The following SERHL2 variants were observed in gnomAD, a reference collection of about 807,000 sequenced individuals.
The protein encoded by SERHL2 is serine hydrolase-like protein 2.
A neutral mutation model predicts 25.5 loss-of-function variants in SERHL2; 29 were observed. The ratio of observed to expected loss-of-function variants is 1.14; its 90% confidence interval spans 0.85 to 1.55. The LOEUF (loss-of-function observed/expected upper bound fraction) is 1.55, where lower values mean the gene tolerates loss of function less well. Among genes scored for constraint, SERHL2 ranks in the 40% most tolerant of loss-of-function variants. The probability of loss-of-function intolerance (pLI) is 0.00; values close to 1 mark genes in which losing one functional copy is unlikely to be tolerated. For missense variants in SERHL2, 240 were observed against 252.3 expected, an observed-to-expected ratio of 0.95 and a Z score of 0.33; for synonymous variants, 95 against 103.5, an observed-to-expected ratio of 0.92 and a Z score of 0.50.
Position 42,571,140 on chromosome 22 carries a change from T to C in SERHL2, c.668T>C (p.Phe223Ser). The C allele has an allele frequency of 2.5e-6, 4 of 1,613,434 alleles. No homozygotes were observed. Among genetic ancestry groups the C allele is most frequent in the Non-Finnish European group, 3.4e-6 (4 of 1,179,642 alleles). Residue 223 changes from phenylalanine to serine, a missense_variant, in exon 10 of 12, where the codon TTC (phenylalanine) becomes TCC (serine). This residue lies in a region of SERHL2 where 212 missense variants were observed against 168.9 expected (regional missense o/e 1.25). Coordinates refer to ENST00000327678, the MANE Select transcript of SERHL2 (RefSeq NM_014509.5). Reference protein sequence around the residue: ...RLAWAENSIDFISRELCAHSI... With the variant: ...RLAWAENSIDSISRELCAHSI... ...CTGCAGGCAGAGAACAGCATTGACT[T>C]CATCAGCAGGGAGCTGTGTGCGCAT...
rs867258027 is a variant in SERHL2 at position 42,573,631 on chromosome 22, G to T, written c.826-305G>T. The T allele has an allele frequency of 6.2e-5, 21 of 337,942 alleles. 1 individual carries two copies. Among genetic ancestry groups the T allele is most frequent in the Middle Eastern group, 9.1e-4 (1 of 1,094 alleles). The allele number at this position is 337,942 out of a possible 1,614,324, so 20.9% of individuals were successfully genotyped here. A position where few individuals can be genotyped will look rare whatever the true frequency, so the allele number is the denominator to read the frequency against. On this transcript the variant is annotated intron_variant, in intron 11 of 11. Transcript: ENST00000327678. ...CCCCCATCTCATTATCTTTTCTCAC[G>T]GGTACCTCTTCTGATACAATCACAG...
intron 9 of SERHL2, among the ~76,000 whole-genome samples, chr22:42,570,429 GGCTCT>G (rs1924006351): frequency 6.6e-6 from 1 of 151,840 alleles, no homozygotes; most frequent in Non-Finnish European, 1.5e-5. Context: ...AAATAAATAA[GGCTCT>G]AACAATTGTT....
At chr22:42,559,711 T>C (rs1191347655) in intron 7 of SERHL2, among the ~76,000 whole-genome samples, 1 of 150,866 alleles carries the variant, frequency 6.6e-6, no homozygotes, top group Non-Finnish European at 1.5e-5. Flanking sequence ...AGAGCAAGAC[T>C]CTGTCTCACA....
intron 9 of SERHL2, among the ~76,000 whole-genome samples, chr22:42,568,326 G>GT (rs1164316225): frequency 1.4e-5 from 2 of 141,666 alleles, no homozygotes; most frequent in East Asian, 4.1e-4. Context: ...GCCAGCCATT[G>GT]TAATTGTTTT....
At chr22:42,570,845 A>C (rs1330616236) in intron 9 of SERHL2, among the ~76,000 whole-genome samples, 1 of 152,046 alleles carries the variant, frequency 6.6e-6, no homozygotes, top group East Asian at 1.9e-4. Flanking sequence ...TCTCACAGGC[A>C]TACCCGGTGG....
intron 7 of SERHL2, among the ~76,000 whole-genome samples, chr22:42,559,288 C>T (rs1322128002): frequency 6.8e-6 from 1 of 148,032 alleles, no homozygotes. Context: ...CGCCTGTGGT[C>T]CCAGCTACTC....
intron 8 of SERHL2, among the ~76,000 whole-genome samples, chr22:42,564,838 G>A (rs1050991783): frequency 2.0e-5 from 3 of 151,588 alleles, no homozygotes; most frequent in African/African-American, 7.3e-5. Context: ...TGCTGTGTTG[G>A]CCAGACTGGA....
At chr22:42,560,342 C>T (rs1314932005) in intron 8 of SERHL2, 77 bp downstream of exon 8, 2 of 1,106,638 alleles carry the variant, frequency 1.8e-6, no homozygotes, top group Non-Finnish European at 1.4e-6. Flanking sequence ...TTGCCTTAGA[C>T]CAGGCAGGAT....
chr22:42,562,218 G>A (rs368419119), intron 8 of SERHL2, among the ~76,000 whole-genome samples: 3 of 151,752 alleles, frequency 2.0e-5, no homozygotes, highest in Non-Finnish European at 4.4e-5. Flanking sequence ...GACAATGTAG[G>A]TTCCTCCCAA....
chr22:42,569,839 TTGTGTG>T (rs58527778), intron 9 of SERHL2: 24,044 of 146,670 alleles, frequency 0.16, 2,817 homozygotes, highest in African/African-American at 0.31. Context: ...TCATAGCAAT[TTGTGTG>T]TGTGTGTGTG....
chr22:42,559,571 G>A (rs1327056938), intron 7 of SERHL2, among the ~76,000 whole-genome samples: 1 of 151,660 alleles, frequency 6.6e-6, no homozygotes, highest in Non-Finnish European at 1.5e-5. Context: ...GCGTGGTGGT[G>A]GCGGGCGCCT....
intron 8 of SERHL2, among the ~76,000 whole-genome samples, chr22:42,561,435 T>A (rs1241692226): frequency 6.6e-6 from 1 of 150,576 alleles, no homozygotes; most frequent in Non-Finnish European, 1.5e-5. Flanking sequence ...GTGCCTTCCC[T>A]TTATAAAGTG....
At chr22:42,566,721 G>A (rs1923444036) in intron 9 of SERHL2, among the ~76,000 whole-genome samples, 1 of 152,098 alleles carries the variant, frequency 6.6e-6, no homozygotes, top group African/African-American at 2.4e-5. Flanking sequence ...AAAGCTCGAA[G>A]TCAGCTCGGT....
At chr22:42,561,024 C>T (rs1403832306) in intron 8 of SERHL2, among the ~76,000 whole-genome samples, 1 of 151,964 alleles carries the variant, frequency 6.6e-6, no homozygotes, top group African/African-American at 2.4e-5. Flanking sequence ...GGCTGCTGTG[C>T]ACAAATGGCG....
chr22:42,561,480 TG>T (rs1258190158), intron 8 of SERHL2, among the ~76,000 whole-genome samples: 1 of 12,140 alleles, frequency 8.2e-5, no homozygotes, highest in Non-Finnish European at 1.6e-4. Context: ...CTCCAGCACC[TG>T]GGGGCGGGGG....
chr22:42,560,536 G>C (rs989134714), intron 8 of SERHL2, among the ~76,000 whole-genome samples: 19 of 151,994 alleles, frequency 1.3e-4, no homozygotes, highest in Admixed American at 1.0e-3. Flanking sequence ...CTAAATGTTG[G>C]TGAATGTCAC....
intron 9 of SERHL2, among the ~76,000 whole-genome samples, chr22:42,570,168 T>C (rs1440365889): frequency 6.6e-6 from 1 of 151,858 alleles, no homozygotes; most frequent in Non-Finnish European, 1.5e-5. Flanking sequence ...ACACCTGTAA[T>C]CCCAGAACTT....
At chr22:42,564,840 C>A in intron 8 of SERHL2, among the ~76,000 whole-genome samples, 1 of 151,884 alleles carries the variant, frequency 6.6e-6, no homozygotes, top group South Asian at 2.1e-4. Context: ...CTGTGTTGGC[C>A]AGACTGGATT....
At chr22:42,571,931 T>TGCGGGGGGCG in intron 10 of SERHL2, 1 of 58,402 alleles carries the variant, frequency 1.7e-5, no homozygotes, top group South Asian at 5.0e-4. Context: ...GGAAGCCTGT[T>TGCGGGGGGCG]GGGGGCGGGG....
Sources: allele counts gnomAD v4.1 joint callset (sites outside exome capture counted in the v4.1 genomes callset), GRCh38; gene constraint gnomAD v4.1.1; regional missense constraint gnomAD v4.1.1; transcripts MANE v1.5; gene names NCBI Gene and HGNC (gene_info 2026-07-23, HGNC 2026-07-21).